The following SDCCAG8 variants were observed in gnomAD, a reference collection of about 807,000 sequenced individuals.
SDCCAG8 encodes serologically defined colon cancer antigen 8.
Under a neutral mutation model 101.8 loss-of-function variants are expected in SDCCAG8, and 74 were observed. That is an observed-to-expected ratio of 0.73 (90% confidence interval 0.60 to 0.88). SDCCAG8 has a LOEUF of 0.88. SDCCAG8 is among the 40% of genes least tolerant of loss of function. SDCCAG8 has a pLI of 0.00. For missense variants in SDCCAG8, 787 were observed against 822.6 expected, an observed-to-expected ratio of 0.96 and a Z score of 0.53; for synonymous variants, 281 against 292.9, an observed-to-expected ratio of 0.96 and a Z score of 0.41.
intron 16 of SDCCAG8, among the ~76,000 whole-genome samples, chr1:243,466,955 A>G (rs1038202319): frequency 1.3e-5 from 2 of 152,254 alleles, no homozygotes; most frequent in African/African-American, 2.4e-5. Context: ...AGCAGTTAAT[A>G]TGCAGGTCTC....
intron 8 of SDCCAG8, among the ~76,000 whole-genome samples, chr1:243,315,652 G>A (rs1236253955): frequency 1.3e-5 from 2 of 152,006 alleles, no homozygotes; most frequent in East Asian, 3.8e-4. Flanking sequence ...GTTTTAAATT[G>A]AATCATTGGT....
chr1:243,408,256 A>G (rs1188631413), intron 13 of SDCCAG8, among the ~76,000 whole-genome samples: 2 of 152,112 alleles, frequency 1.3e-5, no homozygotes, highest in Non-Finnish European at 2.9e-5. Flanking sequence ...ACTATTCCAG[A>G]TTTTCGGGAT....
intron 4 of SDCCAG8, among the ~76,000 whole-genome samples, chr1:243,275,842 G>T: frequency 7.1e-6 from 1 of 141,840 alleles, no homozygotes; most frequent in African/African-American, 2.6e-5. Flanking sequence ...GGGAGAGAGA[G>T]ATCTTGAACC....
chr1:243,415,582 C>T (rs2080517593), intron 13 of SDCCAG8, 120 bp from the exon 14 acceptor site: 1 of 1,396,440 alleles, frequency 7.2e-7, no homozygotes, highest in African/African-American at 1.4e-5. Flanking sequence ...TTAGAAAGGT[C>T]CTTGTCTTCT....
At chr1:243,334,204 A>G (rs1220482701) in intron 10 of SDCCAG8, among the ~76,000 whole-genome samples, 1 of 151,966 alleles carries the variant, frequency 6.6e-6, no homozygotes, top group Non-Finnish European at 1.5e-5. Context: ...GATGGTTCCT[A>G]TAGCCCCTGT....
chr1:243,293,447 C>G (rs1170808094), intron 6 of SDCCAG8: 4 of 648,692 alleles, frequency 6.2e-6, no homozygotes, highest in Non-Finnish European at 1.1e-5. Context: ...TAAACAATAT[C>G]TCCATTCCCC....
intron 9 of SDCCAG8, among the ~76,000 whole-genome samples, chr1:243,318,803 T>C (rs2073494600): frequency 6.6e-6 from 1 of 152,198 alleles, no homozygotes; most frequent in African/African-American, 2.4e-5. Flanking sequence ...GAAACCGCAG[T>C]TACTTCACTC....
intron 9 of SDCCAG8, among the ~76,000 whole-genome samples, chr1:243,319,898 T>C (rs1476011588): frequency 6.6e-6 from 1 of 152,186 alleles, no homozygotes; most frequent in Non-Finnish European, 1.5e-5. Context: ...TGCTCTTCTT[T>C]CCTCCCTATC....
At position 243,488,600 on chromosome 1, in the gene SDCCAG8, C is replaced by T. The variant is rs1349164583; in HGVS notation, c.1986-414C>T. 9.1e-5 allele frequency: 23 copies of T among 252,456 alleles called. No individual in the cohort carries two copies. In the South Asian group the frequency reaches 1.1e-3, roughly 12 times the overall value. The allele number at this position is 252,456 out of a possible 1,614,324, so 15.6% of individuals were successfully genotyped here. A position where few individuals can be genotyped will look rare whatever the true frequency, so the allele number is the denominator to read the frequency against. ...ACTGAGTGATTAATAATGGAAAACC[C>T]TTACTTCAGTGTTTCCACGGCCCTC... On this transcript the variant is annotated intron_variant, in intron 16 of 17. Coordinates refer to ENST00000366541, the MANE Select transcript of SDCCAG8 (RefSeq NM_006642.5).
chr1:243,318,422 G>A (rs2073454623), intron 9 of SDCCAG8: 17 of 257,638 alleles, frequency 6.6e-5, no homozygotes, highest in Non-Finnish European at 9.7e-5. Flanking sequence ...TAATACCTGG[G>A]TGATAAAATA....
intron 1 of SDCCAG8, among the ~76,000 whole-genome samples, chr1:243,262,513 C>T (rs1229351877): frequency 6.6e-6 from 1 of 152,120 alleles, no homozygotes; most frequent in African/African-American, 2.4e-5. Context: ...ATAAAATTGG[C>T]AAAAGACAGG....
Position 243,401,543 on chromosome 1 carries a change from A to G in SDCCAG8, c.1617-14159A>G, listed in dbSNP as rs537094341. Among the ~76,000 whole-genome samples the G allele has an allele frequency of 4.6e-5, 7 of 152,366 alleles. No individual in the cohort carries two copies. In the South Asian group the frequency reaches 1.4e-3, roughly 32 times the overall value. ...TTAAAAATTATAGAAACACTATCCAATGATGAAGATTTTCCAATTTTATTT... is the reference window on the plus strand; with the variant it reads ...TTAAAAATTATAGAAACACTATCCAGTGATGAAGATTTTCCAATTTTATTT... On this transcript the variant is annotated intron_variant, in intron 13 of 17. Transcript: ENST00000366541.
chr1:243,341,041 G>T lies in SDCCAG8; in HGVS notation c.1224G>T (p.Met408Ile). The T allele has an allele frequency of 6.2e-7, 1 of 1,613,350 alleles. No individual in the cohort carries two copies. The highest frequency in any genetic ancestry group is 8.5e-7 in the Non-Finnish European group (1 of 1,179,298). Residue 408 changes from methionine to isoleucine, a missense_variant and splice_region_variant, in exon 11 of 18, where the codon ATG (methionine) becomes ATT (isoleucine). Transcript: ENST00000366541. ...TKEREYMGSKMLILSQNIAQL... is the reference protein window; with the variant it reads ...TKEREYMGSKILILSQNIAQL... ...AGGACTTTTATTTTCCCTTACAGAT[G>T]TTGATCTTGTCTCAGAATATTGCCC...
intron 5 of SDCCAG8, among the ~76,000 whole-genome samples, chr1:243,292,777 CTAAG>C (rs1219492278): frequency 4.6e-5 from 7 of 152,156 alleles, no homozygotes; most frequent in Non-Finnish European, 7.3e-5. Flanking sequence ...GAAAGACAAA[CTAAG>C]AGAGAGGTGT....
At chr1:243,468,194 ATAT>A (rs1272206037) in intron 16 of SDCCAG8, among the ~76,000 whole-genome samples, 2 of 151,764 alleles carry the variant, frequency 1.3e-5, no homozygotes, top group East Asian at 3.9e-4. Context: ...GAGGATCATA[ATAT>A]TATCAATAAT....
chr1:243,399,821 A>T (rs2079263578), intron 13 of SDCCAG8, among the ~76,000 whole-genome samples: 1 of 152,072 alleles, frequency 6.6e-6, no homozygotes, highest in Non-Finnish European at 1.5e-5. Context: ...GTTTCTTGGA[A>T]CTACCTCTGG....
Position 243,474,264 on chromosome 1 carries a change from G to A in SDCCAG8, c.1986-14750G>A, listed in dbSNP as rs1469350872. 6.6e-6 allele frequency among the ~76,000 whole-genome samples: 1 copy of A among 152,300 alleles called. No individual in the cohort carries two copies. Among genetic ancestry groups the A allele is most frequent in the Admixed American group, 6.5e-5 (1 of 15,304 alleles). The stretch of plus-strand genomic sequence containing the variant: ...GGGACGTGAGCATGGAGTTAATGAA[G>A]CTTTCACCCATCTCCTCCTCTCAAC... On this transcript the variant is annotated intron_variant, in intron 16 of 17. Coordinates refer to ENST00000366541, the MANE Select transcript of SDCCAG8 (RefSeq NM_006642.5). The surrounding 1 kb of genome is among the most constrained non-coding windows in gnomAD (Gnocchi z 4.7).
intron 13 of SDCCAG8, among the ~76,000 whole-genome samples, chr1:243,381,875 C>A (rs141595075): frequency 1.3e-5 from 2 of 152,046 alleles, no homozygotes; most frequent in African/African-American, 4.8e-5. Context: ...GGGGATTGGC[C>A]CATTCTACAC....
At chr1:243,342,862 A>G (rs529805717) in intron 11 of SDCCAG8, among the ~76,000 whole-genome samples, 4 of 152,330 alleles carry the variant, frequency 2.6e-5, no homozygotes, top group African/African-American at 7.2e-5. Flanking sequence ...TCTGAGGGCT[A>G]CTAGGGAGAA....
Sources: allele counts gnomAD v4.1 joint callset (sites outside exome capture counted in the v4.1 genomes callset), GRCh38; gene constraint gnomAD v4.1.1; non-coding constraint Gnocchi (gnomAD v3.1); transcripts MANE v1.5; gene names NCBI Gene and HGNC (gene_info 2026-07-23, HGNC 2026-07-21).